BRAF: variants seen among roughly 807,000 people sequenced by gnomAD.
BRAF encodes B-Raf proto-oncogene, serine/threonine kinase.
A neutral mutation model predicts 104.6 loss-of-function variants in BRAF; 16 were observed. That is an observed-to-expected ratio of 0.15 (90% CI 0.10 to 0.23). The LOEUF (loss-of-function observed/expected upper bound fraction) is 0.23. Ranked by LOEUF, BRAF falls within the 10% of genes least tolerant of loss-of-function variation. The probability of loss-of-function intolerance (pLI) is 1.00; values close to 1 mark genes in which losing one functional copy is unlikely to be tolerated. For missense variants in BRAF, 541 were observed against 937.3 expected, an observed-to-expected ratio of 0.58 and a Z score of 5.52; for synonymous variants, 310 against 341.6, an observed-to-expected ratio of 0.91 and a Z score of 1.02.
At chr7:140,868,058 A>G (rs1811173228) in intron 1 of BRAF, among the ~76,000 whole-genome samples, 1 of 152,162 alleles carries the variant, frequency 6.6e-6, no homozygotes. Flanking sequence ...CAAGTTGTCC[A>G]CTCAAGACCA....
At chr7:140,903,096 G>A (rs1815853057) in intron 1 of BRAF, among the ~76,000 whole-genome samples, 1 of 151,514 alleles carries the variant, frequency 6.6e-6, no homozygotes, top group Non-Finnish European at 1.5e-5. Flanking sequence ...GGCTAATTTT[G>A]TATTTTTTTA....
intron 5 of BRAF, among the ~76,000 whole-genome samples, chr7:140,807,129 G>A (rs760262973): frequency 3.9e-5 from 6 of 152,062 alleles, no homozygotes; most frequent in Admixed American, 1.3e-4. Context: ...CCCACATTCC[G>A]GGCCTTATGC....
intron 1 of BRAF, among the ~76,000 whole-genome samples, chr7:140,891,206 T>G (rs1207850452): frequency 6.6e-6 from 1 of 152,108 alleles, no homozygotes; most frequent in Non-Finnish European, 1.5e-5. Context: ...TAGAGAAAGC[T>G]TTTGGAAAAG....
At chr7:140,732,088 G>C (rs922451760) in intron 19 of BRAF, 2 of 140,152 alleles carry the variant, frequency 1.4e-5, no homozygotes, top group African/African-American at 5.1e-5. Context: ...GGAGAATGGC[G>C]TGAACCCGGG....
intron 2 of BRAF, among the ~76,000 whole-genome samples, chr7:140,846,892 A>G (rs1323864967): frequency 2.6e-5 from 4 of 152,166 alleles, no homozygotes; most frequent in Non-Finnish European, 5.9e-5. Flanking sequence ...ACGGTGGCTC[A>G]CGCCTATAAT....
chr7:140,747,351 T>C lies in BRAF; in HGVS notation c.2112+1936A>G. 6 of 1,230,676 alleles carry C rather than the reference T, an allele frequency of 4.9e-6. 2 individuals carry two copies. In the South Asian group the frequency reaches 5.6e-5, roughly 12 times the overall value. The allele number at this position is 1,230,676 out of a possible 1,614,324, so 76.2% of individuals were successfully genotyped here. A position where few individuals can be genotyped will look rare whatever the true frequency, so the allele number is the denominator to read the frequency against. ...AACTATACTATTAGAAAGAATTAAC[T>C]AGTAAAGGCCTTACCCTTCTGTTGG... On this transcript the variant is annotated intron_variant, in intron 17 of 19. Coordinates refer to ENST00000644969, the MANE Select transcript of BRAF (RefSeq NM_001374258.1).
At chr7:140,877,175 T>C (rs1459363300) in intron 1 of BRAF, among the ~76,000 whole-genome samples, 1 of 152,064 alleles carries the variant, frequency 6.6e-6, no homozygotes, top group Non-Finnish European at 1.5e-5. Flanking sequence ...GCTAGTTCAA[T>C]ATTCAACTGA....
intron 1 of BRAF, among the ~76,000 whole-genome samples, chr7:140,855,023 T>C (rs1246948729): frequency 6.6e-6 from 1 of 152,152 alleles, no homozygotes; most frequent in Non-Finnish European, 1.5e-5. Flanking sequence ...AGTCAGGTTT[T>C]TTATCTCCCC....
chr7:140,902,920 CTTT>C (rs111746402), intron 1 of BRAF, among the ~76,000 whole-genome samples: 3 of 125,510 alleles, frequency 2.4e-5, no homozygotes, highest in Non-Finnish European at 3.3e-5. Context: ...GACAGGATGA[CTTT>C]TTTTTTTTTT....
At chr7:140,799,288 C>T (rs1402858451) in intron 7 of BRAF, 1 of 232,430 alleles carries the variant, frequency 4.3e-6, no homozygotes, top group Non-Finnish European at 8.5e-6. Flanking sequence ...TCTTCACTGC[C>T]TCTCTCAGTT....
downstream of BRAF, among the ~76,000 whole-genome samples, chr7:140,715,964 C>T (rs534143409): frequency 4.2e-4 from 64 of 152,262 alleles, no homozygotes; most frequent in African/African-American, 1.5e-3. Flanking sequence ...TTGTTCTAGG[C>T]GGAGTCAGAT....
Position 140,897,154 on chromosome 7 carries a change from T to C in BRAF, c.138+27412A>G, listed in dbSNP as rs190083614. On this transcript the variant is annotated intron_variant, in intron 1 of 19. Coordinates refer to ENST00000644969, the MANE Select transcript of BRAF (RefSeq NM_001374258.1). Reference sequence around the variant, plus strand: ...GTGGAAGAGTGAATGAGCATATGTTTGCCGCAAATAAACAAAGAGAAGAGA... The same window carrying C: ...GTGGAAGAGTGAATGAGCATATGTTCGCCGCAAATAAACAAAGAGAAGAGA... 1.8e-3 allele frequency among the ~76,000 whole-genome samples: 274 copies of C among 152,026 alleles called. 1 individual carries two copies. Among genetic ancestry groups the C allele is most frequent in the Non-Finnish European group, 3.0e-3 (203 of 68,006 alleles).
chr7:140,761,811 A>G (rs535928790), intron 14 of BRAF, among the ~76,000 whole-genome samples: 1 of 152,350 alleles, frequency 6.6e-6, no homozygotes, highest in East Asian at 1.9e-4. Flanking sequence ...CATAATGGTA[A>G]AGGGACCAAT....
intron 1 of BRAF, among the ~76,000 whole-genome samples, chr7:140,850,455 C>A (rs1394758409): frequency 6.6e-6 from 1 of 151,994 alleles, no homozygotes; most frequent in East Asian, 1.9e-4. Flanking sequence ...TCAGAATAAA[C>A]CATGAAATCT....
chr7:140,737,056 A>C (rs963935301), intron 18 of BRAF, among the ~76,000 whole-genome samples: 6 of 152,200 alleles, frequency 3.9e-5, no homozygotes, highest in African/African-American at 1.4e-4. Context: ...CTATAAAAAA[A>C]AAAAATGAGG....
intron 14 of BRAF, among the ~76,000 whole-genome samples, chr7:140,774,550 C>A (rs188926042): frequency 6.6e-6 from 1 of 152,148 alleles, no homozygotes. Context: ...CAGGGTCTCG[C>A]TCTGTTACCC....
At position 140,850,449 on chromosome 7, in the gene BRAF, A is replaced by C. The variant is rs1252862948; in HGVS notation, c.139-237T>G. ...ATTCAAAGAATACATGAATATTCAGAATAAACCATGAAATCTCTCTTCATC... is the reference window on the plus strand; with the variant it reads ...ATTCAAAGAATACATGAATATTCAGCATAAACCATGAAATCTCTCTTCATC... On this transcript the variant is annotated intron_variant, in intron 1 of 19. Transcript: ENST00000644969. Among the ~76,000 whole-genome samples, 13 of 152,214 alleles carry C rather than the reference A, an allele frequency of 8.5e-5. No individual in the cohort carries two copies. In the East Asian group the frequency reaches 2.5e-3, roughly 29 times the overall value.
chr7:140,818,024 T>G (rs906360812), intron 3 of BRAF, among the ~76,000 whole-genome samples: 21 of 149,386 alleles, frequency 1.4e-4, no homozygotes, highest in African/African-American at 5.3e-4. Flanking sequence ...TCGTATCACC[T>G]TACAAATTAA....
At chr7:140,805,826 C>T (rs757750805) in intron 5 of BRAF, among the ~76,000 whole-genome samples, 92 of 152,066 alleles carry the variant, frequency 6.0e-4, no homozygotes, top group Non-Finnish European at 1.1e-3. Flanking sequence ...CTTGAATAGC[C>T]AAGCAAAACC....
Sources: gnomAD v4.1 joint callset for allele counts (sites outside exome capture counted in the v4.1 genomes callset) on GRCh38, gnomAD v4.1.1 for gene constraint, MANE v1.5 for transcripts, NCBI Gene and HGNC (gene_info 2026-07-23, HGNC 2026-07-21) for gene names.